The following GLRA1 variants were observed in gnomAD, a reference collection of about 807,000 sequenced individuals.
The protein encoded by GLRA1 is glycine receptor alpha 1.
In GLRA1, 37 loss-of-function variants were observed where a neutral mutation model predicts 48.3. That is an observed-to-expected ratio of 0.77 (90% CI 0.59 to 1.01). The LOEUF (loss-of-function observed/expected upper bound fraction) is 1.01. Ranked by LOEUF, GLRA1 falls within the 50% of genes least tolerant of loss-of-function variation. GLRA1 has a pLI of 0.00. For synonymous variants in GLRA1, 196 were observed against 210.7 expected, an observed-to-expected ratio of 0.93 and a Z score of 0.60; for missense variants, 427 against 571.0, an observed-to-expected ratio of 0.75 and a Z score of 2.57.
In GLRA1 at chr5:151,831,833, C is replaced by A. The variant is rs550735128; in HGVS notation, c.913-2766G>T. Among the ~76,000 whole-genome samples the A allele has an allele frequency of 2.6e-4, 40 of 152,330 alleles. 1 individual carries two copies. Among genetic ancestry groups the A allele is most frequent in the African/African-American group, 9.4e-4 (39 of 41,580 alleles). ...CAGACTGCCTCAAGTGGGTCCCTGACCCCTGTGCCTCCTGATGGAGAGACA... is the reference window on the plus strand; with the variant it reads ...CAGACTGCCTCAAGTGGGTCCCTGAACCCTGTGCCTCCTGATGGAGAGACA... On this transcript the variant is annotated intron_variant, in intron 7 of 8. Transcript: ENST00000274576.
chr5:151,892,216 CT>C lies in GLRA1; in HGVS notation c.184+94del. On this transcript the variant is annotated intron_variant, in intron 2 of 8. Coordinates refer to ENST00000274576, the MANE Select transcript of GLRA1 (RefSeq NM_000171.4). ...AGAGGAAAGAGTCATGGGATTCACA[CT>C]GCGTATTTACCATCTGCGTGCATTA... 3.5e-6 allele frequency: 4 copies of C among 1,129,182 alleles called. No individual in the cohort carries two copies. The South Asian group carries it at 4.9e-5, about 14-fold the overall frequency. The allele number at this position is 1,129,182 out of a possible 1,614,324, so 69.9% of individuals were successfully genotyped here.
chr5:151,822,985 G>T (rs527507140), intron 8 of GLRA1, 22 bp from the exon 9 acceptor site: 1 of 1,575,604 alleles, frequency 6.3e-7, no homozygotes, highest in Non-Finnish European at 8.6e-7. Context: ...TCAACATGGG[G>T]CTCTACTTAA....
chr5:151,914,170 T>C (rs1307337683), intron 1 of GLRA1, among the ~76,000 whole-genome samples: 2 of 152,164 alleles, frequency 1.3e-5, no homozygotes, highest in East Asian at 1.9e-4. Flanking sequence ...CTAATAGCAA[T>C]AGGGCTTGTA....
At chr5:151,840,671 A>G (rs1763693054) in intron 7 of GLRA1, among the ~76,000 whole-genome samples, 2 of 151,954 alleles carry the variant, frequency 1.3e-5, no homozygotes, top group Admixed American at 1.3e-4. Context: ...GAAGAATGGA[A>G]AAAACATACC....
chr5:151,822,941 C>T lies in GLRA1; in HGVS notation c.1082G>A (p.Arg361His), dbSNP rs147471585. 66 of 1,608,622 alleles carry T rather than the reference C, an allele frequency of 4.1e-5. No homozygotes were observed. Among genetic ancestry groups the T allele is most frequent in the Middle Eastern group, 3.3e-4 (2 of 6,024 alleles). Residue 361 changes from arginine to histidine, a missense_variant, in exon 9 of 9, where the codon CGC (arginine) becomes CAC (histidine). By Grantham distance (29) the Arg-to-His change is conservative. Around this residue, in one of 4 missense-constraint regions of GLRA1, gnomAD observed 31 missense variants for 21.9 expected, o/e 1.41. Coordinates refer to ENST00000274576, the MANE Select transcript of GLRA1 (RefSeq NM_000171.4). ...HHKEDEAGEG[R>H]FNFSAYGMGP... ...CATCCCATAGGCAGAGAAGTTAAAG[C>T]GGCCTTCTCCAGCTTCATCCTCCTG...
At chr5:151,887,682 T>C (rs1302699896) in intron 2 of GLRA1, among the ~76,000 whole-genome samples, 1 of 152,068 alleles carries the variant, frequency 6.6e-6, no homozygotes, top group Non-Finnish European at 1.5e-5. Flanking sequence ...GGCTATTCTG[T>C]AGGAAACAGG....
At chr5:151,850,384 C>A in intron 7 of GLRA1, 1 of 1,300,112 alleles carries the variant, frequency 7.7e-7, no homozygotes, top group South Asian at 1.2e-5. Flanking sequence ...GTGATAGCAA[C>A]CTTTGATCCC....
rs1433828874 is a variant in GLRA1, at chr5:151,822,671, C to T, written c.*2G>A. 2 of 1,606,622 alleles carry T rather than the reference C, an allele frequency of 1.2e-6. No homozygotes were observed. The highest frequency in any genetic ancestry group is 2.7e-5 in the African/African-American group (2 of 74,720). ...CCAGCCTCCCCCAACCTTTCAGACCCTTCACTGGTTGTGGACGTCCTCTCT... is the reference window on the plus strand; with the variant it reads ...CCAGCCTCCCCCAACCTTTCAGACCTTTCACTGGTTGTGGACGTCCTCTCT... On this transcript the variant is annotated 3_prime_UTR_variant, in exon 9 of 9. Transcript: ENST00000274576.
intron 1 of GLRA1, among the ~76,000 whole-genome samples, chr5:151,893,285 TTTCTTTC>T: frequency 2.2e-5 from 1 of 44,974 alleles, no homozygotes. Flanking sequence ...TCTGCCCAAC[TTTCTTTC>T]TTTCTTTCTT....
At chr5:151,833,109 A>G (rs181964613) in intron 7 of GLRA1, among the ~76,000 whole-genome samples, 1 of 152,326 alleles carries the variant, frequency 6.6e-6, no homozygotes, top group East Asian at 1.9e-4. Flanking sequence ...TGAGAGATTT[A>G]GTCTCCACCA....
intron 8 of GLRA1, 49 bp downstream of exon 8, chr5:151,828,872 T>C: frequency 6.4e-7 from 1 of 1,574,056 alleles, no homozygotes. Flanking sequence ...TTAGAACTCT[T>C]TTGTTTACTA....
intron 1 of GLRA1, among the ~76,000 whole-genome samples, chr5:151,918,425 T>C (rs1434043692): frequency 1.3e-5 from 2 of 152,232 alleles, no homozygotes; most frequent in East Asian, 3.9e-4. Context: ...TGGCTCATTC[T>C]GAGGCCCTTC....
chr5:151,831,123 A>G (rs1320929043), intron 7 of GLRA1, among the ~76,000 whole-genome samples: 1 of 152,198 alleles, frequency 6.6e-6, no homozygotes, highest in Non-Finnish European at 1.5e-5. Flanking sequence ...GGCCCCAGAT[A>G]CTACTCTTTT....
At chr5:151,854,034 G>A (rs775995823) in intron 6 of GLRA1, among the ~76,000 whole-genome samples, 1 of 152,142 alleles carries the variant, frequency 6.6e-6, no homozygotes, top group Non-Finnish European at 1.5e-5. Context: ...ATTGTTATTG[G>A]TCAGTTATAC....
At chr5:151,837,443 C>T (rs1232465245) in intron 7 of GLRA1, among the ~76,000 whole-genome samples, 2 of 152,058 alleles carry the variant, frequency 1.3e-5, no homozygotes, top group Non-Finnish European at 2.9e-5. Flanking sequence ...ATAATTTGAC[C>T]CAGCAATCCC....
chr5:151,849,281 T>C (rs556984362), intron 7 of GLRA1, among the ~76,000 whole-genome samples: 54 of 130,220 alleles, frequency 4.1e-4, no homozygotes, highest in South Asian at 8.1e-4. Context: ...TCTCTTCCTT[T>C]CTTTCTCTCT....
chr5:151,849,153 T>TC lies in GLRA1; in HGVS notation c.912+2236_912+2237insG, dbSNP rs1752787306. 15 of 76,236 alleles carry TC rather than the reference T, an allele frequency of 2.0e-4. 1 individual carries two copies. The highest frequency in any genetic ancestry group is 1.1e-3 in the African/African-American group (15 of 13,216). The allele number at this position is 76,236 out of a possible 1,614,324, so 4.7% of individuals were successfully genotyped here. A position where few individuals can be genotyped will look rare whatever the true frequency, so the allele number is the denominator to read the frequency against. On this transcript the variant is annotated intron_variant, in intron 7 of 8. Coordinates refer to ENST00000274576, the MANE Select transcript of GLRA1 (RefSeq NM_000171.4). ...CTTTCTTTCTTTCTTTCTTTCTTTC[T>TC]TTTCTTTTCTTTTCTTTCTTTCTTT...
At chr5:151,872,023 G>A (rs1051167262) in intron 3 of GLRA1, among the ~76,000 whole-genome samples, 1 of 149,718 alleles carries the variant, frequency 6.7e-6, no homozygotes, top group Admixed American at 6.6e-5. Context: ...AAAGCAGTGT[G>A]ATATTGGTAT....
chr5:151,845,510 C>G (rs112605199), intron 7 of GLRA1, among the ~76,000 whole-genome samples: 1 of 152,156 alleles, frequency 6.6e-6, no homozygotes, highest in Non-Finnish European at 1.5e-5. Context: ...AAATGCAAAT[C>G]AAAACCACAA....
Sources: allele counts gnomAD v4.1 joint callset (sites outside exome capture counted in the v4.1 genomes callset), GRCh38; gene constraint gnomAD v4.1.1; regional missense constraint gnomAD v4.1.1; transcripts MANE v1.5; gene names NCBI Gene and HGNC (gene_info 2026-07-23, HGNC 2026-07-21).